SEMA3A: variants seen among roughly 807,000 people sequenced by gnomAD.
The protein encoded by SEMA3A is semaphorin-3A.
A neutral mutation model predicts 97.9 loss-of-function variants in SEMA3A; 29 were observed. The ratio of observed to expected loss-of-function variants is 0.30; its 90% confidence interval spans 0.22 to 0.40. The LOEUF (loss-of-function observed/expected upper bound fraction) is 0.40, where lower values mean the gene tolerates loss of function less well. SEMA3A is among the 10% of genes least tolerant of loss of function. The pLI is 1.00. For synonymous variants in SEMA3A, 321 were observed against 323.7 expected, an observed-to-expected ratio of 0.99 and a Z score of 0.09; for missense variants, 763 against 951.3, an observed-to-expected ratio of 0.80 and a Z score of 2.60.
chr7:84,039,674 A>G (rs1459373418), intron 6 of SEMA3A, among the ~76,000 whole-genome samples: 1 of 152,084 alleles, frequency 6.6e-6, no homozygotes, highest in Non-Finnish European at 1.5e-5. Flanking sequence ...TTTGAACAGG[A>G]GAGTATTGTG....
chr7:84,210,682 G>A (rs891721870), intron 3 of SEMA3A, among the ~76,000 whole-genome samples: 38 of 152,110 alleles, frequency 2.5e-4, no homozygotes, highest in African/African-American at 8.4e-4. Flanking sequence ...GTATTTACTA[G>A]GAACAAACAT....
intron 15 of SEMA3A, among the ~76,000 whole-genome samples, chr7:83,973,794 A>G (rs531434639): frequency 6.6e-6 from 1 of 152,156 alleles, no homozygotes; most frequent in African/African-American, 2.4e-5. Context: ...ACTATTAGAA[A>G]GTGAAATTCA....
At chr7:84,475,017 C>A (rs1460532729) in intron 1 of SEMA3A, among the ~76,000 whole-genome samples, 2 of 152,226 alleles carry the variant, frequency 1.3e-5, no homozygotes, top group Non-Finnish European at 2.9e-5. Context: ...TCTGTGACAT[C>A]ATTCTTCTTA....
chr7:83,966,808 T>G lies in SEMA3A; in HGVS notation c.1718-3461A>C, dbSNP rs184593701. Among the ~76,000 whole-genome samples, 1,180 of 151,378 alleles carry G rather than the reference T, an allele frequency of 7.8e-3. 19 individuals carry two copies. The highest frequency in any genetic ancestry group is 0.027 in the African/African-American group (1,100 of 41,208). On this transcript the variant is annotated intron_variant, in intron 15 of 16. Transcript: ENST00000265362. ...CTCACGGCAACCTCCGCCTCCCGGG[T>G]TCAAGCGATTCTCCTGCCTCAGACT... is the stretch of plus-strand genomic sequence containing the variant.
intron 3 of SEMA3A, among the ~76,000 whole-genome samples, chr7:84,249,475 G>T (rs192357457): frequency 1.3e-5 from 2 of 151,564 alleles, no homozygotes; most frequent in South Asian, 2.1e-4. Flanking sequence ...ATACATGCAG[G>T]TAAAATAAAC....
intron 6 of SEMA3A, among the ~76,000 whole-genome samples, chr7:84,039,482 C>T (rs1792055399): frequency 6.6e-6 from 1 of 152,074 alleles, no homozygotes; most frequent in Admixed American, 6.6e-5. Context: ...CACTTAAAAT[C>T]CCATGGGCAA....
intron 1 of SEMA3A, among the ~76,000 whole-genome samples, chr7:84,388,019 G>C (rs1204485289): frequency 2.0e-5 from 3 of 151,362 alleles, no homozygotes; most frequent in Non-Finnish European, 4.4e-5. Context: ...ATATAGGATA[G>C]AAGTCACCTC....
At chr7:84,443,079 C>T (rs985340094) in intron 1 of SEMA3A, among the ~76,000 whole-genome samples, 2 of 151,942 alleles carry the variant, frequency 1.3e-5, no homozygotes, top group Non-Finnish European at 2.9e-5. Flanking sequence ...CAGAAGTATG[C>T]GAATAGAGGA....
chr7:84,414,259 C>G lies in SEMA3A; in HGVS notation c.-245-42359G>C, dbSNP rs565939926. Among the ~76,000 whole-genome samples, 12 of 152,138 alleles carry G rather than the reference C, an allele frequency of 7.9e-5. No individual in the cohort carries two copies. The South Asian group carries it at 1.7e-3, about 21-fold the overall frequency. ...TCTATGCATATATCTTTTGATCCCA[C>G]TCTTAAACTCCCCTAACCATTTCCA... On this transcript the variant is annotated intron_variant, in intron 1 of 3. Coordinates refer to the SEMA3A transcript ENST00000424555.
chr7:84,255,276 T>G (rs1356472285), intron 3 of SEMA3A, among the ~76,000 whole-genome samples: 1 of 152,188 alleles, frequency 6.6e-6, no homozygotes, highest in Non-Finnish European at 1.5e-5. Flanking sequence ...CTCTGTTATC[T>G]TCACAGCTAT....
chr7:84,359,857 T>A (rs1259442278), intron 2 of SEMA3A, among the ~76,000 whole-genome samples: 2 of 152,190 alleles, frequency 1.3e-5, no homozygotes, highest in East Asian at 3.9e-4. Context: ...TCTTTCTGGT[T>A]TAGTCTTGGG....
rs1410077117 is a variant in SEMA3A, at chr7:84,423,726, A to G, written c.-245-51826T>C. On this transcript the variant is annotated intron_variant, in intron 1 of 3. Coordinates refer to the SEMA3A transcript ENST00000424555. ...TTGTTCCCTAGTTAGCAGAAAATGT[A>G]TTTCTAAAAATATTTGCCAACTATA... is the stretch of plus-strand genomic sequence containing the variant. Among the ~76,000 whole-genome samples, 4 of 152,030 alleles carry G rather than the reference A, an allele frequency of 2.6e-5. No homozygotes were observed. The East Asian group carries it at 7.7e-4, about 29-fold the overall frequency.
chr7:84,425,411 G>T (rs1189323305), intron 1 of SEMA3A, among the ~76,000 whole-genome samples: 3 of 123,928 alleles, frequency 2.4e-5, no homozygotes, highest in South Asian at 2.5e-4. Flanking sequence ...ATAAATATAT[G>T]CCTATATTTA....
At chr7:84,261,864 A>G (rs727784) in intron 3 of SEMA3A, among the ~76,000 whole-genome samples, 107,615 of 152,214 alleles carry the variant, frequency 0.71, 38,267 homozygotes, top group East Asian at 0.79. Context: ...AGAGGTTTCA[A>G]CTGGAAAAGT....
intron 2 of SEMA3A, among the ~76,000 whole-genome samples, chr7:84,357,066 C>T (rs1017370222): frequency 6.6e-6 from 1 of 151,312 alleles, no homozygotes; most frequent in Non-Finnish European, 1.5e-5. Flanking sequence ...AATAAGTTGG[C>T]ACATTTTTCT....
chr7:84,447,055 C>T (rs991219332), intron 1 of SEMA3A, among the ~76,000 whole-genome samples: 4 of 152,204 alleles, frequency 2.6e-5, no homozygotes, highest in Non-Finnish European at 5.9e-5. Flanking sequence ...TCGCTCGGCT[C>T]CCCGTGCCTG....
chr7:83,995,073 G>A (rs1189877316), intron 12 of SEMA3A, among the ~76,000 whole-genome samples: 7 of 152,106 alleles, frequency 4.6e-5, no homozygotes, highest in African/African-American at 2.4e-5. Context: ...GGAGTGACCC[G>A]ATTTTCCAGG....
intron 4 of SEMA3A, among the ~76,000 whole-genome samples, chr7:84,066,264 C>A (rs1044138357): frequency 6.6e-6 from 1 of 151,982 alleles, no homozygotes; most frequent in Non-Finnish European, 1.5e-5. Flanking sequence ...ATTGATGGGA[C>A]GTATTTCAAA....
intron 4 of SEMA3A, among the ~76,000 whole-genome samples, chr7:84,104,757 C>T (rs1795058748): frequency 6.7e-6 from 1 of 148,562 alleles, no homozygotes; most frequent in African/African-American, 2.5e-5. Flanking sequence ...AGAACTTTAA[C>T]AGTCCAAGCA....
Sources: allele counts gnomAD v4.1 joint callset (sites outside exome capture counted in the v4.1 genomes callset), GRCh38; gene constraint gnomAD v4.1.1; transcripts MANE v1.5; gene names NCBI Gene and HGNC (gene_info 2026-07-23, HGNC 2026-07-21).